The following PAK3 variants were observed in gnomAD, a reference collection of about 807,000 sequenced individuals.
PAK3 encodes the protein serine/threonine-protein kinase PAK 3.
In PAK3, 4 loss-of-function variants were observed where a neutral mutation model predicts 41.0. The ratio of observed to expected loss-of-function variants is 0.10; its 90% CI spans 0.05 to 0.22. The LOEUF (loss-of-function observed/expected upper bound fraction) is 0.22, where lower values mean the gene tolerates loss of function less well. PAK3 is among the 10% of genes least tolerant of loss of function. The pLI is 1.00. For synonymous variants in PAK3, 146 were observed against 139.6 expected (o/e 1.05, Z -0.32); for missense variants, 205 against 409.9 (o/e 0.50, Z 4.32).
intron 1 of PAK3, among the ~76,000 whole-genome samples, chrX:110,983,533 T>TGC (rs1405261693): frequency 1.2e-4 from 13 of 109,258 alleles, no homozygotes; most frequent in Non-Finnish European, 1.7e-4. Flanking sequence ...TGTCTGCGTG[T>TGC]GTGTGTGTGT....
At chrX:111,134,227 G>A (rs1369165010) in intron 5 of PAK3, among the ~76,000 whole-genome samples, 1 of 112,044 alleles carries the variant, frequency 8.9e-6, no homozygotes, top group Non-Finnish European at 1.9e-5. Flanking sequence ...TGGCCCCAAA[G>A]TGGTACCTGG....
chrX:111,035,554 T>C (rs1338997905), intron 1 of PAK3, among the ~76,000 whole-genome samples: 1 of 111,921 alleles, frequency 8.9e-6, no homozygotes, highest in East Asian at 2.8e-4. Context: ...GAGGCTGTGG[T>C]CACGGCTGTG....
rs192272211 is a variant in PAK3, at chrX:111,207,854, G to A, written c.1408-8567G>A. On this transcript the variant is annotated intron_variant, in intron 16 of 17. Transcript: ENST00000372007. The stretch of plus-strand genomic sequence containing the variant: ...TTGTTACCCAGGCTGGAGTGCAGTT[G>A]TGCTGTCTTGGCTCACTGCAACCTC... Among the ~76,000 whole-genome samples, 278 of 112,337 alleles carry A rather than the reference G, an allele frequency of 2.5e-3. 2 individuals are homozygous for A. The highest frequency in any genetic ancestry group is 8.5e-3 in the African/African-American group (262 of 30,913).
At chrX:110,986,355 G>C (rs1307270036) in intron 1 of PAK3, among the ~76,000 whole-genome samples, 4 of 111,796 alleles carry the variant, frequency 3.6e-5, no homozygotes, top group Non-Finnish European at 7.5e-5. Context: ...GACATGGGGG[G>C]AAGAGACAAC....
In PAK3 at chrX:111,108,300, T is replaced by C. The variant is rs1261574322; in HGVS notation, c.-28+4994T>C. On this transcript the variant is annotated intron_variant, in intron 4 of 17. Coordinates refer to ENST00000372007, the MANE Select transcript of PAK3 (RefSeq NM_002578.5). ...GAGTACTCTGTTACTGGGCCTAAAG[T>C]GGAGTAATAAGAGTGATCTGCAGAC... Among the ~76,000 whole-genome samples, 8 of 111,517 alleles carry C rather than the reference T, an allele frequency of 7.2e-5. No individual in the cohort carries two copies. In the Admixed American group the frequency reaches 7.6e-4, roughly 11 times the overall value.
chrX:111,187,863 T>C (rs757759134), intron 11 of PAK3, among the ~76,000 whole-genome samples: 59 of 109,045 alleles, frequency 5.4e-4, no homozygotes, highest in African/African-American at 1.8e-3. Context: ...CCTAACAACA[T>C]GTTTGGTTTG....
At chrX:110,969,713 C>A (rs914656273) in intron 1 of PAK3, among the ~76,000 whole-genome samples, 5 of 111,418 alleles carry the variant, frequency 4.5e-5, no homozygotes, top group South Asian at 3.8e-4. Context: ...ATCCTTCCAC[C>A]AATACAATGC....
chrX:110,978,702 G>A (rs1051382945), intron 1 of PAK3, among the ~76,000 whole-genome samples: 27 of 94,946 alleles, frequency 2.8e-4, no homozygotes, highest in Admixed American at 7.8e-4. Context: ...CTTTCTCTCT[G>A]TCTCTTTCTT....
At chrX:111,085,651 T>C (rs1362475905) in intron 1 of PAK3, among the ~76,000 whole-genome samples, 1 of 111,385 alleles carries the variant, frequency 9.0e-6, no homozygotes, top group Admixed American at 9.5e-5. Context: ...GCAGTGTGAT[T>C]TGCAATTTTT....
At chrX:111,040,263 A>G in intron 1 of PAK3, among the ~76,000 whole-genome samples, 2 of 111,026 alleles carry the variant, frequency 1.8e-5, no homozygotes, top group Middle Eastern at 9.3e-3. Context: ...ATACTAATAA[A>G]AGCCCCTGAT....
At chrX:111,006,583 C>G (rs1392857420) in intron 1 of PAK3, among the ~76,000 whole-genome samples, 1 of 111,379 alleles carries the variant, frequency 9.0e-6, no homozygotes. Flanking sequence ...AAAAATAAAA[C>G]AGATCCCCTG....
At chrX:111,215,235 G>T (rs893028319) in intron 16 of PAK3, among the ~76,000 whole-genome samples, 1 of 111,618 alleles carries the variant, frequency 9.0e-6, no homozygotes, top group Non-Finnish European at 1.9e-5. Context: ...TTGCTTAGAG[G>T]GGGGATCAGT....
intron 8 of PAK3, among the ~76,000 whole-genome samples, chrX:111,161,339 T>G (rs2094185187): frequency 9.0e-6 from 1 of 111,723 alleles, no homozygotes; most frequent in Admixed American, 9.5e-5. Context: ...TAAATTTGTT[T>G]GAGTTCATTG....
At chrX:111,000,334 C>A (rs1353125088) in intron 1 of PAK3, among the ~76,000 whole-genome samples, 1 of 112,209 alleles carries the variant, frequency 8.9e-6, no homozygotes, top group African/African-American at 3.2e-5. Context: ...CCACCCTCCA[C>A]AACATCACTT....
intron 1 of PAK3, among the ~76,000 whole-genome samples, chrX:110,969,094 ATTTTTTTTTTT>A (rs60724970): frequency 9.8e-5 from 4 of 40,614 alleles, no homozygotes; most frequent in Admixed American, 9.7e-4. Context: ...GACCTGCCTA[ATTTTTTTTTTT>A]TTTTTTTTTT....
chrX:111,048,352 C>T (rs748761124), intron 1 of PAK3, among the ~76,000 whole-genome samples: 236 of 111,201 alleles, frequency 2.1e-3, no homozygotes, highest in African/African-American at 7.2e-3. Context: ...TATCCAGTTC[C>T]ATACTTTAAA....
chrX:110,944,859 C>G (rs1193150733), intron 1 of PAK3, among the ~76,000 whole-genome samples: 1 of 112,106 alleles, frequency 8.9e-6, no homozygotes, highest in Non-Finnish European at 1.9e-5. Flanking sequence ...CTCCTGCCCC[C>G]GCCCACCCCT....
chrX:111,123,717 G>A (rs754022790), intron 5 of PAK3, among the ~76,000 whole-genome samples: 72 of 111,776 alleles, frequency 6.4e-4, no homozygotes, highest in African/African-American at 2.3e-3. Context: ...ATCAGTCCAC[G>A]TTGCCACAAT....
chrX:111,107,072 T>C (rs1479059090), intron 4 of PAK3, among the ~76,000 whole-genome samples: 1 of 112,099 alleles, frequency 8.9e-6, no homozygotes, highest in Non-Finnish European at 1.9e-5. Flanking sequence ...TTCTTTCCTA[T>C]AGTGAAAGGA....
Sources: gnomAD v4.1 joint callset for allele counts (sites outside exome capture counted in the v4.1 genomes callset) on GRCh38, gnomAD v4.1.1 for gene constraint, MANE v1.5 for transcripts, NCBI Gene and HGNC (gene_info 2026-07-23, HGNC 2026-07-21) for gene names.